The following EPHA6 variants were observed in gnomAD, a reference collection of about 807,000 sequenced individuals.
EPHA6 encodes EPH receptor A6, also known as ephrin type-A receptor 6.
A neutral mutation model predicts 112.0 loss-of-function variants in EPHA6; 50 were observed. The ratio of observed to expected loss-of-function variants is 0.45; its 90% confidence interval spans 0.36 to 0.56. The LOEUF is 0.56. Ranked by LOEUF, EPHA6 falls within the 20% of genes least tolerant of loss-of-function variation. The probability of loss-of-function intolerance (pLI) is 0.00; values close to 1 mark genes in which losing one functional copy is unlikely to be tolerated. For synonymous variants in EPHA6, 529 were observed against 490.7 expected, an observed-to-expected ratio of 1.08 and a Z score of -1.03; for missense variants, 1,280 against 1,417.4, an observed-to-expected ratio of 0.90 and a Z score of 1.56.
At chr3:97,170,938 G>T (rs1397125089) in intron 3 of EPHA6, among the ~76,000 whole-genome samples, 1 of 152,120 alleles carries the variant, frequency 6.6e-6, no homozygotes, top group Non-Finnish European at 1.5e-5. Flanking sequence ...TAAGCCAAAA[G>T]TGTATTTTTG....
chr3:96,890,855 G>A (rs1575940339), intron 2 of EPHA6, among the ~76,000 whole-genome samples: 2 of 152,206 alleles, frequency 1.3e-5, no homozygotes, highest in Non-Finnish European at 2.9e-5. Context: ...GGAAGCCAAG[G>A]CAGGTGGATC....
intron 3 of EPHA6, among the ~76,000 whole-genome samples, chr3:97,118,878 A>G (rs2047966574): frequency 6.6e-6 from 1 of 151,966 alleles, no homozygotes; most frequent in African/African-American, 2.4e-5. Flanking sequence ...CTGACTTCCT[A>G]TGTTTACAAG....
chr3:97,343,648 A>G (rs2083412133), intron 5 of EPHA6, among the ~76,000 whole-genome samples: 1 of 152,182 alleles, frequency 6.6e-6, no homozygotes, highest in Non-Finnish European at 1.5e-5. Flanking sequence ...AAGCCACCAG[A>G]AAAACTACCA....
intron 17 of EPHA6, 107 bp from the exon 18 acceptor site, chr3:97,748,480 C>G: frequency 4.5e-6 from 3 of 668,000 alleles, no homozygotes; most frequent in Non-Finnish European, 8.3e-6. Flanking sequence ...TTCACTTTAT[C>G]TTGCATGCTT....
chr3:97,544,902 A>C (rs1267510319), intron 11 of EPHA6, among the ~76,000 whole-genome samples: 2 of 152,084 alleles, frequency 1.3e-5, no homozygotes, highest in African/African-American at 4.8e-5. Context: ...GTATTCTCTG[A>C]TGGTAGTTTG....
At chr3:97,670,624 A>G (rs1159399287) in intron 14 of EPHA6, among the ~76,000 whole-genome samples, 3 of 152,204 alleles carry the variant, frequency 2.0e-5, no homozygotes. Context: ...TAGGGCCCAG[A>G]TCACTCACTG....
At chr3:97,159,451 A>AT (rs1576591489) in intron 3 of EPHA6, among the ~76,000 whole-genome samples, 1 of 152,014 alleles carries the variant, frequency 6.6e-6, no homozygotes, top group Non-Finnish European at 1.5e-5. Context: ...AGAAACAAAT[A>AT]TTTTCCTGCT....
chr3:96,846,897 C>T (rs2035105439), intron 1 of EPHA6, among the ~76,000 whole-genome samples: 1 of 152,016 alleles, frequency 6.6e-6, no homozygotes, highest in Middle Eastern at 3.2e-3. Flanking sequence ...GTCCAGACTG[C>T]TGCTGGAGTC....
At position 97,346,423 on chromosome 3, in the gene EPHA6, G is replaced by A. The variant is rs80185860; in HGVS notation, c.1607-58727G>A. ...AAATGCCTTCAAACAGATATAATAA[G>A]TGTCTTCAAAGTAGACGTTTATCCT... On this transcript the variant is annotated intron_variant, in intron 5 of 17. Transcript: ENST00000389672. Among the ~76,000 whole-genome samples the A allele has an allele frequency of 2.3e-3, 343 of 152,224 alleles. 3 individuals are homozygous for A. The highest frequency in any genetic ancestry group is 8.0e-3 in the African/African-American group (331 of 41,562).
intron 2 of EPHA6, among the ~76,000 whole-genome samples, chr3:96,962,991 A>C (rs1032434438): frequency 1.3e-5 from 2 of 151,746 alleles, no homozygotes; most frequent in Non-Finnish European, 2.9e-5. Flanking sequence ...CTGTCTCTAC[A>C]AAAAATACAA....
chr3:97,383,900 G>A (rs2085901076), intron 5 of EPHA6, among the ~76,000 whole-genome samples: 3 of 151,942 alleles, frequency 2.0e-5, no homozygotes, highest in Admixed American at 1.3e-4. Context: ...CTAATTTTCT[G>A]GAAAATGATT....
intron 6 of EPHA6, among the ~76,000 whole-genome samples, chr3:97,427,353 GC>G (rs1205085968): frequency 6.6e-6 from 1 of 152,152 alleles, no homozygotes; most frequent in Admixed American, 6.5e-5. Flanking sequence ...GGAATACCAT[GC>G]AGCCATAAAA....
chr3:97,177,252 T>C (rs1385414407), intron 3 of EPHA6, among the ~76,000 whole-genome samples: 1 of 151,996 alleles, frequency 6.6e-6, no homozygotes, highest in African/African-American at 2.4e-5. Flanking sequence ...CTTGATATGA[T>C]TTCAGTTTTT....
intron 5 of EPHA6, among the ~76,000 whole-genome samples, chr3:97,352,862 C>T (rs1278202897): frequency 6.6e-6 from 1 of 152,092 alleles, no homozygotes; most frequent in Non-Finnish European, 1.5e-5. Flanking sequence ...GGGCAGTTCA[C>T]AGGTCCAGGA....
intron 14 of EPHA6, among the ~76,000 whole-genome samples, chr3:97,683,718 G>A (rs2107688009): frequency 6.6e-6 from 1 of 152,190 alleles, no homozygotes; most frequent in Admixed American, 6.5e-5. Flanking sequence ...CCCACACAAG[G>A]CCCACGTACT....
intron 5 of EPHA6, among the ~76,000 whole-genome samples, chr3:97,398,423 C>T (rs2086808830): frequency 6.6e-6 from 1 of 151,340 alleles, no homozygotes; most frequent in Non-Finnish European, 1.5e-5. Flanking sequence ...CAGCTTCCAA[C>T]AGGGACAAAT....
At chr3:96,870,421 A>G (rs543321594) in intron 2 of EPHA6, among the ~76,000 whole-genome samples, 10 of 152,230 alleles carry the variant, frequency 6.6e-5, no homozygotes, top group African/African-American at 2.4e-4. Flanking sequence ...TTCTCATTCT[A>G]TCTCCACTTC....
intron 14 of EPHA6, among the ~76,000 whole-genome samples, chr3:97,702,555 C>T (rs1197890147): frequency 6.6e-6 from 1 of 152,142 alleles, no homozygotes; most frequent in African/African-American, 2.4e-5. Context: ...CAGAGAGAAA[C>T]TTTTTCCCCA....
intron 3 of EPHA6, chr3:97,009,985 G>GTTT (rs746552671): frequency 7.1e-5 from 47 of 663,860 alleles, no homozygotes; most frequent in Middle Eastern, 5.6e-4. Flanking sequence ...GCTTATCATT[G>GTTT]TTTTTTTTTT....
Sources: gnomAD v4.1 joint callset for allele counts (sites outside exome capture counted in the v4.1 genomes callset) on GRCh38, gnomAD v4.1.1 for gene constraint, MANE v1.5 for transcripts, NCBI Gene and HGNC (gene_info 2026-07-23, HGNC 2026-07-21) for gene names.